Variants in USP54 observed in about 807,000 individuals in gnomAD.
The protein encoded by USP54 is ubiquitin specific peptidase 54.
USP54 carries 87 observed loss-of-function variants against 170.5 expected under a neutral mutation model. The observed-to-expected ratio is 0.51, with a 90% confidence interval of 0.43 to 0.61. USP54 has a LOEUF of 0.61. Ranked by LOEUF, USP54 falls within the 20% of genes least tolerant of loss-of-function variation. USP54 has a pLI of 0.00. For missense variants in USP54, 1,786 were observed against 2,047.8 expected (o/e 0.87, Z 2.47); for synonymous variants, 655 against 742.8 (o/e 0.88, Z 1.92).
chr10:73,526,789 G>T lies in USP54; in HGVS notation c.2061-9C>A, dbSNP rs900376475. 6.2e-7 allele frequency: 1 copy of T among 1,613,206 alleles called. No individual in the cohort carries two copies. Among genetic ancestry groups the T allele is most frequent in the Non-Finnish European group, 8.5e-7 (1 of 1,179,736 alleles). ...TCTTAGCACTTGGATCCCTTCAAAA[G>T]AGAACTCAGAGTCTAGTGAAAGCAT... On this transcript the variant is annotated splice_polypyrimidine_tract_variant and intron_variant, in intron 15 of 23. Coordinates refer to ENST00000687698, the MANE Select transcript of USP54 (RefSeq NM_001391956.1).
chr10:73,619,776 T>C (rs1369364397), intron 1 of USP54, among the ~76,000 whole-genome samples: 1 of 150,648 alleles, frequency 6.6e-6, no homozygotes, highest in Non-Finnish European at 1.5e-5. Context: ...TTACTTATCC[T>C]TAGTACAAGT....
At chr10:73,593,783 T>A (rs562338866), upstream of USP54, among the ~76,000 whole-genome samples, 5 of 152,226 alleles carry the variant, frequency 3.3e-5, no homozygotes, top group South Asian at 8.3e-4. Flanking sequence ...GGCTGAAAAG[T>A]CCTATTTGGT....
chr10:73,576,556 G>T (rs1247633842), intron 1 of USP54, among the ~76,000 whole-genome samples, 195 bp from the exon 2 acceptor site: 1 of 149,526 alleles, frequency 6.7e-6, no homozygotes, highest in African/African-American at 2.5e-5. Context: ...AGGAAAAAAA[G>T]GTATGAACAG....
At chr10:73,557,538 T>C (rs911297623) in intron 4 of USP54, among the ~76,000 whole-genome samples, 12 of 149,884 alleles carry the variant, frequency 8.0e-5, no homozygotes, top group Non-Finnish European at 1.6e-4. Flanking sequence ...CAGGCTGCAG[T>C]GCAGTGGCGC....
chr10:73,536,932 C>T lies in USP54; in HGVS notation c.976-495G>A, dbSNP rs576649790. Among the ~76,000 whole-genome samples the T allele has an allele frequency of 3.3e-5, 5 of 152,310 alleles. No homozygotes were observed. In the East Asian group the frequency reaches 7.7e-4, roughly 23 times the overall value. ...ACAAATGACATTCAGTTTCAGAGTT[C>T]GCAAATGGTAGGATATAAAATGTCA... is the stretch of plus-strand genomic sequence containing the variant. On this transcript the variant is annotated intron_variant, in intron 10 of 23. Transcript: ENST00000687698.
chr10:73,583,085 C>A (rs1479605999), intron 1 of USP54, among the ~76,000 whole-genome samples: 1 of 151,992 alleles, frequency 6.6e-6, no homozygotes, highest in African/African-American at 2.4e-5. Flanking sequence ...TGACAAATAG[C>A]CCTCAAACTG....
rs1406081873 is a variant in USP54 at position 73,498,529 on chromosome 10, C to T, written c.*100G>A. ...GACCTCGTGATCCACCCGCCTCAGC[C>T]TCCCAAAGTGCTGGGATTACAGGTG... On this transcript the variant is annotated 3_prime_UTR_variant, in exon 24 of 24. Transcript: ENST00000687698. The T allele has an allele frequency of 3.2e-6, 4 of 1,231,892 alleles. No homozygotes were observed. The East Asian group carries it at 9.8e-5, about 30-fold the overall frequency. The allele number at this position is 1,231,892 out of a possible 1,614,324, so 76.3% of individuals were successfully genotyped here.
Position 73,529,977 on chromosome 10 carries a change from T to G in USP54, c.1829-66A>C, listed in dbSNP as rs2063668261. Reference sequence around the variant, plus strand: ...TTAGCATTTGCCTAAAATCAAGACCTAACTAGCTCCTCCCTCTAGCTACTT... The same window carrying G: ...TTAGCATTTGCCTAAAATCAAGACCGAACTAGCTCCTCCCTCTAGCTACTT... On this transcript the variant is annotated intron_variant, in intron 14 of 23. Coordinates refer to ENST00000687698, the MANE Select transcript of USP54 (RefSeq NM_001391956.1). 7 of 1,499,156 alleles carry G rather than the reference T, an allele frequency of 4.7e-6. No individual in the cohort carries two copies. In the Admixed American group the frequency reaches 1.4e-4, roughly 29 times the overall value. 92.9% of individuals were successfully genotyped at this position (1,499,156 alleles called of 1,614,324 possible). A position where few individuals can be genotyped will look rare whatever the true frequency, so the allele number is the denominator to read the frequency against.
chr10:73,586,659 T>C (rs545617469), intron 1 of USP54, among the ~76,000 whole-genome samples: 4 of 152,220 alleles, frequency 2.6e-5, no homozygotes, highest in Non-Finnish European at 4.4e-5. Context: ...AATGGCCTTA[T>C]CTAGCTTGAG....
chr10:73,553,429 CCT>C (rs1315045904), intron 4 of USP54: 1 of 152,224 alleles, frequency 6.6e-6, no homozygotes, highest in Non-Finnish European at 1.5e-5. Flanking sequence ...GCACAAAGCC[CCT>C]CTGTTAGAGC....
intron 4 of USP54, among the ~76,000 whole-genome samples, chr10:73,566,556 C>A (rs539761102): frequency 6.6e-6 from 1 of 151,942 alleles, no homozygotes; most frequent in Non-Finnish European, 1.5e-5. Context: ...CATGGTGAAA[C>A]CCCATCTCTA....
chr10:73,498,743 A>G lies in USP54; in HGVS notation c.4941T>C (p.Tyr1647=), dbSNP rs746487888. Residue 1647 remains tyrosine, a synonymous_variant, in exon 24 of 24, where the codon TAT becomes TAC. Transcript: ENST00000687698. The part of the protein sequence containing the change: ...PPDDDWRQSS[Y]ASHSGHRRTV... ...TTCTCCTGTGTCCAGAGTGGGAGGCATAACTGCTTTGCCTCCAGTCATCAT... is the reference window on the plus strand; with the variant it reads ...TTCTCCTGTGTCCAGAGTGGGAGGCGTAACTGCTTTGCCTCCAGTCATCAT... The G allele has an allele frequency of 8.1e-6, 13 of 1,613,838 alleles. No individual in the cohort carries two copies. The highest frequency in any genetic ancestry group is 2.7e-5 in the African/African-American group (2 of 74,922).
At chr10:73,612,731 C>CA (rs1418112004) in intron 1 of USP54, among the ~76,000 whole-genome samples, 1 of 148,354 alleles carries the variant, frequency 6.7e-6, no homozygotes, top group East Asian at 2.0e-4. Context: ...ACCCCACTTA[C>CA]TCAGGAAGCT....
At chr10:73,575,299 T>C (rs1213425074) in intron 3 of USP54, among the ~76,000 whole-genome samples, 1 of 152,204 alleles carries the variant, frequency 6.6e-6, no homozygotes, top group East Asian at 1.9e-4. Flanking sequence ...ATTTCTCTTA[T>C]CATTATTAAT....
chr10:73,504,768 C>G (rs905190793), intron 22 of USP54, 82 bp downstream of exon 22: 2 of 1,583,072 alleles, frequency 1.3e-6, no homozygotes, highest in Non-Finnish European at 1.7e-6. Context: ...CCTTCACTTT[C>G]TCCCTGCTTC....
chr10:73,498,805 G>A lies in USP54; in HGVS notation c.4879C>T (p.Arg1627Ter), dbSNP rs779266508. 7.4e-6 allele frequency: 12 copies of A among 1,612,904 alleles called. No individual in the cohort carries two copies. The East Asian group carries it at 8.9e-5, about 12-fold the overall frequency. ...TCTACTCTTCGAGGACCAGGGGTTC[G>A]GGACCCTGGAACAGGATCTGAATTC... ...AWNSDPVPGS[R>*]TPGPRRVDMP... The change falls in exon 24 of 24, where the codon CGA (arginine) becomes TGA (stop). Residue 1627 changes from arginine to a stop codon, truncating the protein, a stop_gained. Transcript: ENST00000687698. LOFTEE classifies it high-confidence loss of function.
At chr10:73,555,597 T>C (rs778654841) in intron 4 of USP54, among the ~76,000 whole-genome samples, 3 of 152,202 alleles carry the variant, frequency 2.0e-5, no homozygotes, top group Non-Finnish European at 4.4e-5. Context: ...TTGCTTTTAA[T>C]GAGAAATAAT....
At chr10:73,572,854 T>C (rs1374755222) in intron 3 of USP54, among the ~76,000 whole-genome samples, 1 of 152,160 alleles carries the variant, frequency 6.6e-6, no homozygotes, top group Non-Finnish European at 1.5e-5. Context: ...ACAATATAAA[T>C]AGACCACATA....
intron 7 of USP54, chr10:73,541,993 G>C: frequency 2.1e-6 from 1 of 483,940 alleles, no homozygotes; most frequent in Non-Finnish European, 3.7e-6. Context: ...AGGGATGGGA[G>C]AGGAAAGAAG....
Sources: gnomAD v4.1 joint callset for allele counts (sites outside exome capture counted in the v4.1 genomes callset) on GRCh38, gnomAD v4.1.1 for gene constraint, MANE v1.5 for transcripts, NCBI Gene and HGNC (gene_info 2026-07-23, HGNC 2026-07-21) for gene names.